AFG2A: variants seen among roughly 807,000 people sequenced by gnomAD.
AFG2A encodes ATPase family gene 2 protein homolog A.
chr4:123,145,682 T>C, the AFG2A span, among the ~76,000 whole-genome samples: 2 of 152,216 alleles, frequency 1.3e-5, no homozygotes, highest in African/African-American at 4.8e-5. Flanking sequence ...GTATCATTCC[T>C]TGAGAATTCA....
At chr4:123,064,606 A>C in the AFG2A span, among the ~76,000 whole-genome samples, 1 of 152,236 alleles carries the variant, frequency 6.6e-6, no homozygotes, top group Non-Finnish European at 1.5e-5. Flanking sequence ...CAATCCTGTC[A>C]TCAAAAGTGC....
the AFG2A span, among the ~76,000 whole-genome samples, chr4:122,976,903 T>C: frequency 6.6e-6 from 1 of 152,318 alleles, no homozygotes; most frequent in East Asian, 1.9e-4. Context: ...TTTTTATGGA[T>C]GTTGTTTTGT....
the AFG2A span, among the ~76,000 whole-genome samples, chr4:123,079,830 A>G: frequency 7.1e-6 from 1 of 141,798 alleles, no homozygotes; most frequent in Admixed American, 7.5e-5. Context: ...GCTCACTGCA[A>G]CCTCCGCTTC....
chr4:122,925,523 C>A, the AFG2A span, among the ~76,000 whole-genome samples: 1 of 152,170 alleles, frequency 6.6e-6, no homozygotes, highest in Non-Finnish European at 1.5e-5. Flanking sequence ...CCTATACTCT[C>A]CTGAGGATGC....
the AFG2A span, among the ~76,000 whole-genome samples, chr4:123,083,208 A>C: frequency 5.9e-5 from 9 of 152,156 alleles, no homozygotes; most frequent in Non-Finnish European, 1.3e-4. Context: ...CTTGTTCTTA[A>C]TCATAGCAGA....
the AFG2A span, among the ~76,000 whole-genome samples, chr4:123,111,729 C>A: frequency 0.05 from 7,568 of 150,780 alleles, 287 homozygotes; most frequent in African/African-American, 0.1. Flanking sequence ...TCTTCTTCTT[C>A]TTCTTATTAT....
chr4:122,998,388 GC>G, the AFG2A span, among the ~76,000 whole-genome samples: 2 of 151,886 alleles, frequency 1.3e-5, no homozygotes, highest in African/African-American at 4.8e-5. Context: ...GTATACATGT[GC>G]CATGCTGGTG....
the AFG2A span, chr4:122,979,126 C>T: frequency 3.0e-6 from 4 of 1,343,122 alleles, no homozygotes; most frequent in South Asian, 1.5e-5. Flanking sequence ...CCCACTGCAG[C>T]CAGTGTCTTC....
the AFG2A span, among the ~76,000 whole-genome samples, chr4:123,074,095 A>ATTTTCTTTT: frequency 9.8e-6 from 1 of 102,068 alleles, no homozygotes; most frequent in African/African-American, 3.4e-5. Flanking sequence ...CTCAGATAGT[A>ATTTTCTTTT]TTTTTTTTTT....
At chr4:122,949,418 A>G in the AFG2A span, among the ~76,000 whole-genome samples, 12 of 152,278 alleles carry the variant, frequency 7.9e-5, no homozygotes, top group South Asian at 2.5e-3. Context: ...TCACTATACC[A>G]AGTATCGAAG....
At chr4:123,232,291 A>G in the AFG2A span, among the ~76,000 whole-genome samples, 2 of 152,010 alleles carry the variant, frequency 1.3e-5, no homozygotes, top group African/African-American at 2.4e-5. Context: ...AGGCACTTCA[A>G]CTTTTAAATT....
chr4:123,276,317 C>T, the AFG2A span, among the ~76,000 whole-genome samples: 1 of 152,086 alleles, frequency 6.6e-6, no homozygotes. Flanking sequence ...TCTTTGCCCA[C>T]TTTTTAATGG....
chr4:123,075,039 G>A, the AFG2A span, among the ~76,000 whole-genome samples: 1 of 152,112 alleles, frequency 6.6e-6, no homozygotes, highest in African/African-American at 2.4e-5. Context: ...TGCCTCCTGG[G>A]TTCAAGCAAT....
the AFG2A span, among the ~76,000 whole-genome samples, chr4:123,037,115 C>G: frequency 1.3e-5 from 2 of 151,894 alleles, no homozygotes; most frequent in Non-Finnish European, 2.9e-5. Flanking sequence ...TAACTAAAAG[C>G]ACCAGGCAGG....
the AFG2A span, among the ~76,000 whole-genome samples, chr4:123,017,588 G>A: frequency 2.0e-4 from 30 of 151,980 alleles, no homozygotes; most frequent in Non-Finnish European, 3.8e-4. Flanking sequence ...CTTGACCTTG[G>A]AGGTTGGTTT....
the AFG2A span, among the ~76,000 whole-genome samples, chr4:123,199,602 G>T: frequency 6.6e-6 from 1 of 151,098 alleles, no homozygotes; most frequent in East Asian, 2.0e-4. Context: ...CTCCTGAGTA[G>T]CTGGGACTAC....
At chr4:123,173,512 C>G in the AFG2A span, among the ~76,000 whole-genome samples, 3 of 151,852 alleles carry the variant, frequency 2.0e-5, no homozygotes, top group Admixed American at 2.0e-4. Context: ...CCCACCACCA[C>G]GCCCAGCTAA....
chr4:123,106,806 A>G, the AFG2A span, among the ~76,000 whole-genome samples: 1 of 152,224 alleles, frequency 6.6e-6, no homozygotes, highest in African/African-American at 2.4e-5. Flanking sequence ...CACTCAGCCC[A>G]GCAGGCTGCA....
At chr4:122,955,180 C>T in the AFG2A span, among the ~76,000 whole-genome samples, 1 of 152,308 alleles carries the variant, frequency 6.6e-6, no homozygotes, top group South Asian at 2.1e-4. Flanking sequence ...GTGGACTAGA[C>T]AGGAGAACCT....
Sources: allele counts gnomAD v4.1 joint callset (sites outside exome capture counted in the v4.1 genomes callset), GRCh38; gene constraint gnomAD v4.1.1; transcripts MANE v1.5; gene names NCBI Gene and HGNC (gene_info 2026-07-23, HGNC 2026-07-21).